The following MARCHF1 variants were observed in gnomAD, a reference collection of about 807,000 sequenced individuals.
MARCHF1 encodes membrane associated ring-CH-type finger 1.
MARCHF1 carries 40 observed loss-of-function variants against 54.2 expected under a neutral mutation model. The ratio of observed to expected loss-of-function variants is 0.74; its 90% confidence interval spans 0.57 to 0.96. The LOEUF is 0.96. MARCHF1 is among the 40% of genes least tolerant of loss of function. MARCHF1 has a pLI of 0.00. For missense variants in MARCHF1, 586 were observed against 656.5 expected (o/e 0.89, Z 1.17); for synonymous variants, 236 against 236.3 (o/e 1.00, Z 0.01).
intron 3 of MARCHF1, among the ~76,000 whole-genome samples, chr4:163,977,542 A>G (rs1444403355): frequency 1.3e-5 from 2 of 152,192 alleles, no homozygotes; most frequent in Non-Finnish European, 2.9e-5. Context: ...CTATTCTCCA[A>G]AAGTCATTTT....
intron 1 of MARCHF1, among the ~76,000 whole-genome samples, chr4:164,364,172 G>A (rs1489531679): frequency 1.3e-5 from 2 of 151,970 alleles, no homozygotes; most frequent in Non-Finnish European, 2.9e-5. Flanking sequence ...ATAACCTTTA[G>A]TCAGTCAGAG....
intron 3 of MARCHF1, among the ~76,000 whole-genome samples, chr4:163,967,250 C>T (rs1362649798): frequency 6.6e-6 from 1 of 152,050 alleles, no homozygotes; most frequent in East Asian, 1.9e-4. Context: ...AATTATCTTT[C>T]ACTAATTTAA....
chr4:164,148,184 C>G (rs1018484149), intron 1 of MARCHF1, among the ~76,000 whole-genome samples: 20 of 150,654 alleles, frequency 1.3e-4, no homozygotes, highest in Non-Finnish European at 2.5e-4. Context: ...CGAATTCAAC[C>G]AAGAAACTAT....
chr4:163,535,224 A>G (rs1738489459), intron 9 of MARCHF1, among the ~76,000 whole-genome samples: 1 of 152,118 alleles, frequency 6.6e-6, no homozygotes, highest in Admixed American at 6.6e-5. Flanking sequence ...TATATAAAAG[A>G]ATCATTTTTC....
chr4:164,290,954 T>G (rs1734269831), intron 1 of MARCHF1, among the ~76,000 whole-genome samples: 1 of 151,926 alleles, frequency 6.6e-6, no homozygotes, highest in Admixed American at 6.6e-5. Context: ...ATCTTTTAAT[T>G]TTTTAACTTT....
chr4:164,344,665 A>T (rs545913545), intron 1 of MARCHF1, among the ~76,000 whole-genome samples: 1 of 152,188 alleles, frequency 6.6e-6, no homozygotes, highest in Admixed American at 6.5e-5. Flanking sequence ...TCCTTAAAGG[A>T]CTAGCATTCA....
chr4:164,159,945 A>G (rs183554686), intron 1 of MARCHF1, among the ~76,000 whole-genome samples: 13 of 152,224 alleles, frequency 8.5e-5, no homozygotes, highest in Non-Finnish European at 1.2e-4. Flanking sequence ...TCTGACCTAT[A>G]AAATGTCTTT....
chr4:164,345,573 C>CATAATAATAATA (rs5863679), intron 1 of MARCHF1, among the ~76,000 whole-genome samples: 60 of 143,392 alleles, frequency 4.2e-4, no homozygotes, highest in African/African-American at 1.2e-3. Flanking sequence ...CTGTCTCAAA[C>CATAATAATAATA]ATAATAATAA....
intron 2 of MARCHF1, among the ~76,000 whole-genome samples, chr4:163,993,496 T>A (rs1753006946): frequency 6.6e-6 from 1 of 152,162 alleles, no homozygotes; most frequent in Admixed American, 6.6e-5. Flanking sequence ...TTGAAATTAT[T>A]TTTCCTAATT....
At chr4:163,714,429 G>T (rs1171378314) in intron 4 of MARCHF1, among the ~76,000 whole-genome samples, 1 of 152,204 alleles carries the variant, frequency 6.6e-6, no homozygotes, top group Non-Finnish European at 1.5e-5. Flanking sequence ...AATGAAATCA[G>T]TTTGGGGGTA....
At chr4:164,145,108 C>G (rs1397831347) in intron 1 of MARCHF1, among the ~76,000 whole-genome samples, 16 of 149,094 alleles carry the variant, frequency 1.1e-4, no homozygotes, top group African/African-American at 3.7e-4. Context: ...TACACTCTCC[C>G]AAGACTAAAC....
At chr4:164,359,271 G>A (rs1561018057) in intron 1 of MARCHF1, among the ~76,000 whole-genome samples, 1 of 152,194 alleles carries the variant, frequency 6.6e-6, no homozygotes. Context: ...ATGAAAGAAT[G>A]TTTGGGGAAG....
chr4:163,651,861 T>C (rs1299669960), intron 5 of MARCHF1, among the ~76,000 whole-genome samples: 1 of 151,652 alleles, frequency 6.6e-6, no homozygotes, highest in Non-Finnish European at 1.5e-5. Flanking sequence ...AGCAGTTTCC[T>C]AATTGGATTA....
intron 1 of MARCHF1, among the ~76,000 whole-genome samples, chr4:164,210,567 T>G (rs1404796890): frequency 6.6e-6 from 1 of 152,176 alleles, no homozygotes; most frequent in Non-Finnish European, 1.5e-5. Context: ...GTCATCTGGA[T>G]GTATAAATAT....
At chr4:163,882,545 TTTTTA>T (rs1219444734) in intron 3 of MARCHF1, among the ~76,000 whole-genome samples, 1 of 152,222 alleles carries the variant, frequency 6.6e-6, no homozygotes. Flanking sequence ...AAATGTTATC[TTTTTA>T]TTTTGATTTA....
At chr4:163,932,713 A>G in intron 3 of MARCHF1, 1 of 529,744 alleles carries the variant, frequency 1.9e-6, no homozygotes, top group Non-Finnish European at 3.7e-6. Flanking sequence ...TTAAACATCG[A>G]GCAGAAGACA....
chr4:164,171,430 A>C (rs1730522631), intron 1 of MARCHF1, among the ~76,000 whole-genome samples: 1 of 152,168 alleles, frequency 6.6e-6, no homozygotes, highest in Non-Finnish European at 1.5e-5. Flanking sequence ...CTTGATTTGA[A>C]AGTGTATGGC....
chr4:164,087,988 A>C (rs1014475310), intron 2 of MARCHF1, among the ~76,000 whole-genome samples: 1 of 152,206 alleles, frequency 6.6e-6, no homozygotes, highest in Non-Finnish European at 1.5e-5. Flanking sequence ...TAGAGACGTT[A>C]AATTGAGATA....
At chr4:164,329,599 T>A (rs1248512127) in intron 1 of MARCHF1, among the ~76,000 whole-genome samples, 2 of 152,216 alleles carry the variant, frequency 1.3e-5, no homozygotes, top group African/African-American at 4.8e-5. Context: ...AGACGTTTAA[T>A]TGGCTCACAG....
Sources: allele counts gnomAD v4.1 joint callset (sites outside exome capture counted in the v4.1 genomes callset), GRCh38; gene constraint gnomAD v4.1.1; transcripts MANE v1.5; gene names NCBI Gene and HGNC (gene_info 2026-07-23, HGNC 2026-07-21).